The following C8orf34 variants were observed in gnomAD, a reference collection of about 807,000 sequenced individuals.
The protein encoded by C8orf34 is chromosome 8 open reading frame 34.
C8orf34 carries 65 observed loss-of-function variants against 68.3 expected under a neutral mutation model. That is an observed-to-expected ratio of 0.95 (90% CI 0.78 to 1.17). The LOEUF (loss-of-function observed/expected upper bound fraction) is 1.17, where lower values mean the gene tolerates loss of function less well. Ranked by LOEUF, C8orf34 falls within the 50% of genes most tolerant of loss-of-function variation. The probability of loss-of-function intolerance (pLI) is 0.00; values close to 1 mark genes in which losing one functional copy is unlikely to be tolerated. For synonymous variants in C8orf34, 244 were observed against 241.2 expected, an observed-to-expected ratio of 1.01 and a Z score of -0.11; for missense variants, 664 against 655.4, an observed-to-expected ratio of 1.01 and a Z score of -0.14.
chr8:68,759,817 T>G (rs1011950376), intron 10 of C8orf34, among the ~76,000 whole-genome samples: 1 of 152,260 alleles, frequency 6.6e-6, no homozygotes, highest in Admixed American at 6.5e-5. Context: ...AAGAACATGC[T>G]ATATTCACTT....
chr8:68,814,446 A>C (rs1824747681), intron 12 of C8orf34, among the ~76,000 whole-genome samples: 1 of 152,234 alleles, frequency 6.6e-6, no homozygotes, highest in South Asian at 2.1e-4. Flanking sequence ...TTTTATTTCA[A>C]ACCCTTCCAT....
intron 1 of C8orf34, among the ~76,000 whole-genome samples, chr8:68,385,310 C>T (rs564485379): frequency 1.2e-4 from 18 of 152,220 alleles, no homozygotes; most frequent in African/African-American, 3.1e-4. Flanking sequence ...AGTAGCAAAC[C>T]CACATACTTT....
At chr8:68,639,962 G>C (rs1818955946) in intron 7 of C8orf34, among the ~76,000 whole-genome samples, 1 of 152,182 alleles carries the variant, frequency 6.6e-6, no homozygotes, top group Non-Finnish European at 1.5e-5. Context: ...AAACATATTT[G>C]GTTTTGTGTG....
chr8:68,700,057 A>G (rs1820943733), intron 8 of C8orf34, among the ~76,000 whole-genome samples: 1 of 152,154 alleles, frequency 6.6e-6, no homozygotes. Context: ...ACTTCATTCT[A>G]CTATCATCTT....
chr8:68,395,709 T>C (rs1808676237), intron 1 of C8orf34, among the ~76,000 whole-genome samples: 1 of 152,120 alleles, frequency 6.6e-6, no homozygotes, highest in African/African-American at 2.4e-5. Flanking sequence ...AGACAACTGT[T>C]ACATTAGAAC....
intron 7 of C8orf34, among the ~76,000 whole-genome samples, chr8:68,599,236 C>T (rs1297488587): frequency 6.6e-6 from 1 of 151,916 alleles, no homozygotes; most frequent in Non-Finnish European, 1.5e-5. Flanking sequence ...TTAAAGAGGA[C>T]TTAAATAATA....
intron 4 of C8orf34, among the ~76,000 whole-genome samples, chr8:68,470,410 T>C (rs1812332085): frequency 6.6e-6 from 1 of 152,256 alleles, no homozygotes; most frequent in African/African-American, 2.4e-5. Context: ...TCACTTGTTA[T>C]ACTGTTTTTA....
chr8:68,726,714 C>T (rs1345100979), intron 10 of C8orf34, among the ~76,000 whole-genome samples: 1 of 152,148 alleles, frequency 6.6e-6, no homozygotes, highest in Non-Finnish European at 1.5e-5. Flanking sequence ...AGGTGAAAGA[C>T]ACTTCTTGCA....
chr8:68,783,051 A>G (rs572226684), intron 11 of C8orf34, among the ~76,000 whole-genome samples: 87 of 149,072 alleles, frequency 5.8e-4, no homozygotes, highest in Non-Finnish European at 1.0e-3. Context: ...CAGTCTGGGC[A>G]ATAGAGAACA....
At chr8:68,339,410 G>T (rs1174590736) in intron 1 of C8orf34, among the ~76,000 whole-genome samples, 3 of 151,518 alleles carry the variant, frequency 2.0e-5, no homozygotes, top group African/African-American at 7.3e-5. Context: ...ATTTATAATG[G>T]TATTAAAATA....
intron 7 of C8orf34, among the ~76,000 whole-genome samples, chr8:68,622,376 T>C (rs1818413309): frequency 1.3e-5 from 2 of 152,214 alleles, no homozygotes; most frequent in South Asian, 4.1e-4. Flanking sequence ...AAAGTCATCC[T>C]GACACAAGTG....
At chr8:68,462,030 T>C (rs1811857231) in intron 3 of C8orf34, among the ~76,000 whole-genome samples, 2 of 152,296 alleles carry the variant, frequency 1.3e-5, no homozygotes, top group South Asian at 4.1e-4. Flanking sequence ...ATCAGTGTGC[T>C]GTATTCAGGA....
chr8:68,485,927 T>C (rs1190345666), intron 4 of C8orf34, among the ~76,000 whole-genome samples: 1 of 151,910 alleles, frequency 6.6e-6, no homozygotes, highest in Non-Finnish European at 1.5e-5. Flanking sequence ...ATTTAAGATA[T>C]TCAGTCTTAA....
chr8:68,480,874 G>A (rs917215295), intron 4 of C8orf34, among the ~76,000 whole-genome samples: 2 of 152,142 alleles, frequency 1.3e-5, no homozygotes, highest in Admixed American at 1.3e-4. Flanking sequence ...GAGCATAAAA[G>A]TTTGGAAAAT....
chr8:68,753,786 TAA>T (rs1170825332), intron 10 of C8orf34, among the ~76,000 whole-genome samples: 1 of 152,196 alleles, frequency 6.6e-6, no homozygotes, highest in African/African-American at 2.4e-5. Context: ...TCAAACATGA[TAA>T]AGAGAATTCT....
chr8:68,658,209 C>A (rs1819565500), intron 8 of C8orf34, among the ~76,000 whole-genome samples: 1 of 152,052 alleles, frequency 6.6e-6, no homozygotes, highest in Admixed American at 6.5e-5. Flanking sequence ...CTTGTTTTTT[C>A]TGTAATACAC....
At chr8:68,579,458 C>T (rs528136105) in intron 7 of C8orf34, among the ~76,000 whole-genome samples, 8 of 152,250 alleles carry the variant, frequency 5.3e-5, no homozygotes, top group African/African-American at 1.7e-4. Flanking sequence ...TGCTGCTCCC[C>T]AGACAATACC....
chr8:68,467,238 T>C (rs1812187137), intron 3 of C8orf34, among the ~76,000 whole-genome samples: 2 of 151,474 alleles, frequency 1.3e-5, no homozygotes, highest in Admixed American at 1.3e-4. Flanking sequence ...TCTACATTGG[T>C]ATTATTATGA....
chr8:68,634,080 G>A (rs1818769294), intron 7 of C8orf34, among the ~76,000 whole-genome samples: 1 of 152,152 alleles, frequency 6.6e-6, no homozygotes, highest in African/African-American at 2.4e-5. Context: ...ACAAAGAATG[G>A]TAAATTGTGA....
Sources: gnomAD v4.1 joint callset for allele counts (sites outside exome capture counted in the v4.1 genomes callset) on GRCh38, gnomAD v4.1.1 for gene constraint, MANE v1.5 for transcripts, NCBI Gene and HGNC (gene_info 2026-07-23, HGNC 2026-07-21) for gene names.